SORBS2: variants seen among roughly 807,000 people sequenced by gnomAD.
SORBS2 encodes the protein sorbin and SH3 domain-containing protein 2.
In SORBS2, 46 loss-of-function variants were observed where a neutral mutation model predicts 97.7. The observed-to-expected ratio is 0.47, with a 90% CI of 0.37 to 0.60. The LOEUF (loss-of-function observed/expected upper bound fraction) is 0.60, where lower values mean the gene tolerates loss of function less well. SORBS2 is among the 20% of genes least tolerant of loss of function. The pLI is 0.00. For synonymous variants in SORBS2, 476 were observed against 473.4 expected, an observed-to-expected ratio of 1.01 and a Z score of -0.07; for missense variants, 1,316 against 1,282.3, an observed-to-expected ratio of 1.03 and a Z score of -0.40.
chr4:185,840,393 CTT>C (rs2099210781), intron 1 of SORBS2, among the ~76,000 whole-genome samples: 1 of 152,150 alleles, frequency 6.6e-6, no homozygotes, highest in South Asian at 2.1e-4. Context: ...AAGCATCTCT[CTT>C]GTGTGGCCGA....
At chr4:185,755,248 C>T (rs995069710) in intron 2 of SORBS2, among the ~76,000 whole-genome samples, 2 of 152,230 alleles carry the variant, frequency 1.3e-5, no homozygotes, top group Non-Finnish European at 2.9e-5. Flanking sequence ...CTCCTCTTCC[C>T]ACTTTGGGAC....
At chr4:185,677,871 C>T (rs990063478) in intron 4 of SORBS2, among the ~76,000 whole-genome samples, 1 of 151,914 alleles carries the variant, frequency 6.6e-6, no homozygotes, top group Admixed American at 6.6e-5. Flanking sequence ...AAAAGTGTTG[C>T]CAGAGAATAC....
chr4:185,606,534 A>G lies in SORBS2; in HGVS notation c.2796+5246T>C. 1.0e-6 allele frequency: 1 copy of G among 985,044 alleles called. No homozygotes were observed. The highest frequency in any genetic ancestry group is 1.2e-6 in the Non-Finnish European group (1 of 829,564). 61.0% of individuals were successfully genotyped at this position (985,044 alleles called of 1,614,324 possible). A position where few individuals can be genotyped will look rare whatever the true frequency, so the allele number is the denominator to read the frequency against. ...ATTAATATGATTAACTCTAATAGCT[A>G]ATCATGGTAAGGCCGGTTAGTTCTT... On this transcript the variant is annotated intron_variant, in intron 12 of 14. Transcript: ENST00000418609. This position sits in a 1 kb window ranked among gnomAD's most constrained non-coding sequence, Gnocchi z 4.3.
chr4:185,614,408 C>G (rs2096596971), intron 11 of SORBS2, among the ~76,000 whole-genome samples: 2 of 152,014 alleles, frequency 1.3e-5, no homozygotes, highest in African/African-American at 2.4e-5. Context: ...GAAGGATCTT[C>G]TTTACCTAGG....
At chr4:185,834,242 C>CAAAGG (rs1357786932) in intron 1 of SORBS2, among the ~76,000 whole-genome samples, 6 of 152,098 alleles carry the variant, frequency 3.9e-5, no homozygotes, top group Non-Finnish European at 7.4e-5. Flanking sequence ...TGGTGGAAGG[C>CAAAGG]AAAGGATCTT....
chr4:185,896,321 C>T lies in SORBS2; in HGVS notation c.-338+59875G>A, dbSNP rs187458809. Among the ~76,000 whole-genome samples, 558 of 152,308 alleles carry T rather than the reference C, an allele frequency of 3.7e-3. 2 individuals are homozygous for T. The highest frequency in any genetic ancestry group is 6.0e-3 in the Non-Finnish European group (408 of 68,028). ...CATGTTGGCCAGGCGAGATGGCTGA[C>T]GCCTGTAATGCCAGCACTTTGGGAG... On this transcript the variant is annotated intron_variant, in intron 1 of 20. Coordinates refer to the SORBS2 transcript ENST00000284776.
intron 2 of SORBS2, chr4:185,773,545 T>C (rs2098983876): frequency 6.8e-6 from 1 of 147,950 alleles, no homozygotes. Context: ...TGTGGCCACT[T>C]GCGTTTGTCC....
intron 1 of SORBS2, among the ~76,000 whole-genome samples, chr4:185,883,455 T>G (rs951572628): frequency 1.2e-4 from 18 of 152,200 alleles, no homozygotes; most frequent in Non-Finnish European, 2.5e-4. Flanking sequence ...GCAGCCACTT[T>G]GGGAAACAAT....
intron 1 of SORBS2, among the ~76,000 whole-genome samples, chr4:185,943,379 T>C (rs553848528): frequency 6.6e-6 from 1 of 152,378 alleles, no homozygotes; most frequent in South Asian, 2.1e-4. Context: ...CACTGAATTC[T>C]GATGTCATGA....
At chr4:185,587,796 G>A (rs1470259141) in intron 14 of SORBS2, 108 bp from the exon 27 acceptor site, 3 of 857,560 alleles carry the variant, frequency 3.5e-6, no homozygotes, top group East Asian at 2.6e-5. Flanking sequence ...CAAGCCCCGA[G>A]GGGTTTGGAA....
chr4:185,760,879 A>G (rs1328180467), intron 2 of SORBS2, among the ~76,000 whole-genome samples: 1 of 152,228 alleles, frequency 6.6e-6, no homozygotes, highest in Non-Finnish European at 1.5e-5. Context: ...AGTGTCACCA[A>G]TCCTACTCGG....
intron 1 of SORBS2, among the ~76,000 whole-genome samples, chr4:185,907,973 T>A (rs1006150904): frequency 6.6e-6 from 1 of 152,082 alleles, no homozygotes; most frequent in African/African-American, 2.4e-5. Context: ...GTATAAGGTG[T>A]AATTAAACAT....
chr4:185,686,007 C>T (rs2097950856), intron 2 of SORBS2, among the ~76,000 whole-genome samples: 1 of 152,150 alleles, frequency 6.6e-6, no homozygotes, highest in African/African-American at 2.4e-5. Context: ...TGACCAGATT[C>T]AAATTCCATT....
At chr4:185,797,808 C>G (rs1301888085) in intron 1 of SORBS2, among the ~76,000 whole-genome samples, 2 of 152,180 alleles carry the variant, frequency 1.3e-5, no homozygotes, top group Admixed American at 1.3e-4. Flanking sequence ...ACTGTTCCTA[C>G]ATTCCAGACG....
intron 2 of SORBS2, among the ~76,000 whole-genome samples, chr4:185,748,866 T>C (rs2098781063): frequency 6.6e-6 from 1 of 152,170 alleles, no homozygotes; most frequent in Admixed American, 6.5e-5. Context: ...ATTGATGAGC[T>C]TCTGTGCCCT....
intron 1 of SORBS2, among the ~76,000 whole-genome samples, chr4:185,898,625 G>A (rs151071837): frequency 1.3e-5 from 2 of 152,262 alleles, no homozygotes; most frequent in African/African-American, 2.4e-5. Context: ...CTAACTAGCG[G>A]CTACGTTGAT....
intron 5 of SORBS2, among the ~76,000 whole-genome samples, chr4:185,629,563 TG>T (rs1460707980): frequency 3.5e-4 from 50 of 142,608 alleles, no homozygotes; most frequent in Middle Eastern, 3.5e-3. Context: ...TTTTGTGATT[TG>T]TTTTTTTTTT....
intron 1 of SORBS2, among the ~76,000 whole-genome samples, chr4:185,886,119 T>C (rs936011780): frequency 3.9e-5 from 6 of 152,338 alleles, no homozygotes; most frequent in African/African-American, 1.4e-4. Flanking sequence ...GGGAAAACGA[T>C]GGACTGACTG....
chr4:185,802,097 T>A (rs965899308), intron 1 of SORBS2, among the ~76,000 whole-genome samples: 2 of 152,236 alleles, frequency 1.3e-5, no homozygotes, highest in Admixed American at 1.3e-4. Flanking sequence ...CTAACAAACT[T>A]CAATTCTCTG....
Sources: gnomAD v4.1 joint callset for allele counts (sites outside exome capture counted in the v4.1 genomes callset) on GRCh38, gnomAD v4.1.1 for gene constraint, Gnocchi (gnomAD v3.1) non-coding constraint, MANE v1.5 for transcripts, NCBI Gene and HGNC (gene_info 2026-07-23, HGNC 2026-07-21) for gene names.